SRPRA: variants seen among roughly 807,000 people sequenced by gnomAD.
The protein encoded by SRPRA is signal recognition particle receptor subunit alpha.
In SRPRA, 30 loss-of-function variants were observed where a neutral mutation model predicts 61.1. The observed-to-expected ratio is 0.49, with a 90% CI of 0.37 to 0.67. The LOEUF (loss-of-function observed/expected upper bound fraction) is 0.67, where lower values mean the gene tolerates loss of function less well. Ranked by LOEUF, SRPRA falls within the 30% of genes least tolerant of loss-of-function variation. The pLI is 0.00. For missense variants in SRPRA, 759 were observed against 828.4 expected, an observed-to-expected ratio of 0.92 and a Z score of 1.03; for synonymous variants, 324 against 299.7, an observed-to-expected ratio of 1.08 and a Z score of -0.84.
At chr11:126,252,709 C>T in the SRPRA span, among the ~76,000 whole-genome samples, 8,437 of 152,136 alleles carry the variant, frequency 0.055, 367 homozygotes, top group East Asian at 0.18. The surrounding 1 kb of genome is among the most constrained non-coding windows in gnomAD (Gnocchi z 4.7). Flanking sequence ...CACTGTTGCA[C>T]TCCAGCCTGG....
chr11:126,267,549 C>G lies in SRPRA; in HGVS notation c.365G>C (p.Arg122Pro), dbSNP rs757612951. Residue 122 changes from arginine to proline, a missense_variant and splice_region_variant, in exon 3 of 14, where the codon CGT becomes CCT. Arg to Pro is a moderately radical substitution (Grantham distance 103). Coordinates refer to ENST00000332118, the MANE Select transcript of SRPRA (RefSeq NM_003139.4). This position sits in a 1 kb window ranked among gnomAD's most constrained non-coding sequence, Gnocchi z 4.2. ...DFQNDFLRLL[R>P]EAEESSKIRA... ...ATTTTAGAGAAGGCAGGTCTCTCACCGAAGGAGCCGCAGGAAGTCATTTTG... is the reference window on the plus strand; with the variant it reads ...ATTTTAGAGAAGGCAGGTCTCTCACGGAAGGAGCCGCAGGAAGTCATTTTG... 6.2e-7 allele frequency: 1 copy of G among 1,613,836 alleles called. No individual in the cohort carries two copies. The highest frequency in any genetic ancestry group is 8.5e-7 in the Non-Finnish European group (1 of 1,179,972).
the SRPRA span, among the ~76,000 whole-genome samples, chr11:126,246,573 C>T: frequency 6.6e-6 from 1 of 152,092 alleles, no homozygotes; most frequent in Non-Finnish European, 1.5e-5. Context: ...GTTAATAACC[C>T]TGGGGCGGGA....
At chr11:126,244,619 C>T in the SRPRA span, among the ~76,000 whole-genome samples, 2 of 152,172 alleles carry the variant, frequency 1.3e-5, no homozygotes, top group African/African-American at 4.8e-5. The surrounding 1 kb of genome is among the most constrained non-coding windows in gnomAD (Gnocchi z 4.5). Context: ...GCCTGGCCAA[C>T]ATGGTGAAAC....
rs201075867 is a variant in SRPRA at position 126,266,308 on chromosome 11, C to T, written c.841-30G>A. 2.5e-6 allele frequency: 4 copies of T among 1,611,324 alleles called. No individual in the cohort carries two copies. The Admixed American group carries it at 5.0e-5, about 20-fold the overall frequency. ...AAGATACGGGGAAAGGATGTGGGGT[C>T]AGGAACACTAAGGTCTCTGAGGAAA... On this transcript the variant is annotated intron_variant, in intron 6 of 13. Transcript: ENST00000332118.
chr11:126,268,410 C>G (rs1950866472), intron 1 of SRPRA, among the ~76,000 whole-genome samples: 1 of 152,120 alleles, frequency 6.6e-6, no homozygotes, highest in South Asian at 2.1e-4. Context: ...AGGCTCGAAA[C>G]AACAAAACCA....
At chr11:126,247,333 A>G in the SRPRA span, among the ~76,000 whole-genome samples, 4 of 152,312 alleles carry the variant, frequency 2.6e-5, no homozygotes, top group Admixed American at 2.0e-4. Context: ...GAGGAAATCA[A>G]TGCAGTTGCA....
chr11:126,238,097 C>T, the SRPRA span, among the ~76,000 whole-genome samples: 7 of 152,096 alleles, frequency 4.6e-5, no homozygotes, highest in Non-Finnish European at 7.3e-5. Flanking sequence ...TGCGGTGGCT[C>T]ACGCCTGTAA....
rs777841170 is a variant in SRPRA at position 126,264,524 on chromosome 11, A to G, written c.1541T>C (p.Phe514Ser). Reference sequence around the variant, plus strand: ...TGCCGTGTCCACCAGCACCACGTCAAAGCCTTGGTTACGTGCTAGAGAAAG... The same window carrying G: ...TGCCGTGTCCACCAGCACCACGTCAGAGCCTTGGTTACGTGCTAGAGAAAG... ...EAIAFARNQG[F>S]DVVLVDTAGR... Residue 514 changes from phenylalanine to serine, a missense_variant, in exon 12 of 14, where the codon TTT becomes TCT. Physicochemically the swap from Phe to Ser is radical, Grantham distance 155. Transcript: ENST00000332118. The surrounding 1 kb of genome is among the most constrained non-coding windows in gnomAD (Gnocchi z 5.0). 1.2e-6 allele frequency: 2 copies of G among 1,613,302 alleles called. No individual in the cohort carries two copies. Among genetic ancestry groups the G allele is most frequent in the Non-Finnish European group, 1.7e-6 (2 of 1,180,042 alleles).
Position 126,263,686 on chromosome 11 carries a change from G to T in SRPRA, c.*230C>A. 1 of 547,922 alleles carries T rather than the reference G, an allele frequency of 1.8e-6. No individual in the cohort carries two copies. The highest frequency in any genetic ancestry group is 3.2e-6 in the Non-Finnish European group (1 of 313,948). 33.9% of individuals were successfully genotyped at this position (547,922 alleles called of 1,614,324 possible). On this transcript the variant is annotated 3_prime_UTR_variant, in exon 14 of 14. Transcript: ENST00000332118. ...AAGGGGGTGCCTGAGTAGGAAGGGG[G>T]AGGCCCGCTGGGAGAGGGTCAGTGG... is the stretch of plus-strand genomic sequence containing the variant.
chr11:126,268,619 G>C (rs1218982380), intron 1 of SRPRA, 69 bp downstream of exon 1: 5 of 1,334,746 alleles, frequency 3.7e-6, no homozygotes, highest in Non-Finnish European at 5.4e-6. Context: ...GCGCGGAATA[G>C]AGTCGAAGGG....
At chr11:126,260,464 C>T (rs1950665980), downstream of SRPRA, 1 of 149,688 alleles carries the variant, frequency 6.7e-6, no homozygotes, top group Non-Finnish European at 1.5e-5. Context: ...TCCCTATCTT[C>T]ATAACCACTA....
In SRPRA at chr11:126,268,079, C is replaced by A; in HGVS notation, c.125G>T (p.Gly42Val). ...LIRSVLLQER[G>V]GNNSFTHEAL... The stretch of plus-strand genomic sequence containing the variant: ...CTCATGGGTGAAGGAGTTGTTACCT[C>A]CCCGTTCCTGGAGAAAGAGTATGTC... Residue 42 changes from glycine (G) to valine (V), a missense_variant, in exon 2 of 14, where the codon GGA becomes GTA. Transcript: ENST00000332118. The A allele has an allele frequency of 2.5e-6, 4 of 1,613,984 alleles. No individual in the cohort carries two copies. The highest frequency in any genetic ancestry group is 3.4e-6 in the Non-Finnish European group (4 of 1,179,934).
chr11:126,248,589 C>G, the SRPRA span, among the ~76,000 whole-genome samples: 48 of 152,044 alleles, frequency 3.2e-4, no homozygotes, highest in Middle Eastern at 6.8e-3. Flanking sequence ...CCAGGATGGT[C>G]TCGATCTCTT....
chr11:126,251,973 C>CGTTTTGTTTT, the SRPRA span, among the ~76,000 whole-genome samples: 432 of 151,268 alleles, frequency 2.9e-3, 2 homozygotes, highest in African/African-American at 8.9e-3. Context: ...TGTGCCTGGC[C>CGTTTTGTTTT]GTTTTGTTTT....
At position 126,267,033 on chromosome 11, in the gene SRPRA, G is replaced by A. The variant is rs1950823271; in HGVS notation, c.527-111C>T. On this transcript the variant is annotated intron_variant, in intron 4 of 13. Transcript: ENST00000332118. This position sits in a 1 kb window ranked among gnomAD's most constrained non-coding sequence, Gnocchi z 4.2. ...GGAAATTTGGACCAAACATCTTGGAGTTCATAAGGCCTGGGGATTATAGGA... is the reference window on the plus strand; with the variant it reads ...GGAAATTTGGACCAAACATCTTGGAATTCATAAGGCCTGGGGATTATAGGA... 2.6e-6 allele frequency: 4 copies of A among 1,524,910 alleles called. No homozygotes were observed. The highest frequency in any genetic ancestry group is 3.5e-6 in the Non-Finnish European group (4 of 1,133,710). The allele number at this position is 1,524,910 out of a possible 1,614,324, so 94.5% of individuals were successfully genotyped here.
At position 126,265,704 on chromosome 11, in the gene SRPRA, C is replaced by T. The variant is rs1202881410; in HGVS notation, c.1138+33G>A. Reference sequence around the variant, plus strand: ...CTGAGGTCTATGCACTTAACCTACACATAAGCACTTTCTCACTTAGGTAAG... The same window carrying T: ...CTGAGGTCTATGCACTTAACCTACATATAAGCACTTTCTCACTTAGGTAAG... On this transcript the variant is annotated intron_variant, in intron 9 of 13. Transcript: ENST00000332118. The surrounding 1 kb of genome is among the most constrained non-coding windows in gnomAD (Gnocchi z 6.3). The T allele has an allele frequency of 6.2e-7, 1 of 1,609,526 alleles. No individual in the cohort carries two copies. Among genetic ancestry groups the T allele is most frequent in the Non-Finnish European group, 8.5e-7 (1 of 1,175,944 alleles).
At chr11:126,244,656 T>C in the SRPRA span, among the ~76,000 whole-genome samples, 1 of 152,040 alleles carries the variant, frequency 6.6e-6, no homozygotes, top group African/African-American at 2.4e-5. This position sits in a 1 kb window ranked among gnomAD's most constrained non-coding sequence, Gnocchi z 4.5. Flanking sequence ...ATACAAAAAT[T>C]AGCTGAGCAT....
the SRPRA span, among the ~76,000 whole-genome samples, chr11:126,237,107 G>A: frequency 6.1e-5 from 9 of 148,172 alleles, no homozygotes; most frequent in South Asian, 1.5e-3. Flanking sequence ...TAGTAGAGAC[G>A]GGATTTCACT....
At chr11:126,258,603 C>T (rs182418227), downstream of SRPRA, among the ~76,000 whole-genome samples, 31 of 152,260 alleles carry the variant, frequency 2.0e-4, no homozygotes, top group East Asian at 4.4e-3. Flanking sequence ...ATTTACTATT[C>T]TTTGTTGGAA....
Sources: gnomAD v4.1 joint callset for allele counts (sites outside exome capture counted in the v4.1 genomes callset) on GRCh38, gnomAD v4.1.1 for gene constraint, Gnocchi (gnomAD v3.1) non-coding constraint, MANE v1.5 for transcripts, NCBI Gene and HGNC (gene_info 2026-07-23, HGNC 2026-07-21) for gene names.